Variants in CNTNAP3 observed in about 807,000 individuals in gnomAD.
CNTNAP3 encodes contactin-associated protein-like 3.
A neutral mutation model predicts 92.1 loss-of-function variants in CNTNAP3; 36 were observed. The ratio of observed to expected loss-of-function variants is 0.39; its 90% CI spans 0.30 to 0.52. The LOEUF (loss-of-function observed/expected upper bound fraction) is 0.52, where lower values mean the gene tolerates loss of function less well. Ranked by LOEUF, CNTNAP3 falls within the 20% of genes least tolerant of loss-of-function variation. The probability of loss-of-function intolerance (pLI) is 0.76; values close to 1 mark genes in which losing one functional copy is unlikely to be tolerated. For missense variants in CNTNAP3, 534 were observed against 1,069.6 expected (o/e 0.50, Z 6.98); for synonymous variants, 232 against 422.3 (o/e 0.55, Z 5.53).
chr9:39,140,319 A>G (rs1046643131), intron 12 of CNTNAP3, among the ~76,000 whole-genome samples, 200 bp downstream of exon 12: 1 of 152,128 alleles, frequency 6.6e-6, no homozygotes, highest in Non-Finnish European at 1.5e-5. Flanking sequence ...TTGGCAGAGC[A>G]CTGAATCTTT....
intron 3 of CNTNAP3, among the ~76,000 whole-genome samples, chr9:39,238,350 C>CAA (rs1174376017): frequency 1.6e-3 from 1 of 630 alleles, no homozygotes; most frequent in African/African-American, 1.7e-3. Flanking sequence ...ACTAAAAATA[C>CAA]AAAAAAAAAA....
chr9:39,144,194 T>C (rs1189233150), intron 11 of CNTNAP3, 46 bp downstream of exon 11: 5 of 1,510,190 alleles, frequency 3.3e-6, no homozygotes, highest in Non-Finnish European at 4.4e-6. Context: ...CAAAATGAAA[T>C]GACAAAGAGA....
rs555301365 is a variant in CNTNAP3 at position 39,095,564 on chromosome 9, C to T, written c.2995+4347G>A. ...TGGAGTTTGTTAAATGTTTTTTTTT[C>T]AGCAACAATTAAGATAATCATGTTT... On this transcript the variant is annotated intron_variant, in intron 18 of 23. Transcript: ENST00000297668. Among the ~76,000 whole-genome samples, 162 of 139,318 alleles carry T rather than the reference C, an allele frequency of 1.2e-3. 1 individual carries two copies. The highest frequency in any genetic ancestry group is 4.0e-3 in the African/African-American group (154 of 38,504). The allele number at this position is 139,318 out of a possible 152,430, so 91.4% of individuals were successfully genotyped here.
Position 39,066,958 on chromosome 9 carries a change from CTT to C in CNTNAP3, c.*6930_*6931del, listed in dbSNP as rs1825521187. On this transcript the variant is annotated 3_prime_UTR_variant, in exon 24 of 24. Coordinates refer to ENST00000297668, the MANE Select transcript of CNTNAP3 (RefSeq NM_033655.5). ...ATATTTTTTTCTATCCATCCACTCT[CTT>C]TTCTCCTTTGAGAACTCCAAATACA... 6.6e-6 allele frequency among the ~76,000 whole-genome samples: 1 copy of C among 152,268 alleles called. No individual in the cohort carries two copies. Among genetic ancestry groups the C allele is most frequent in the African/African-American group, 2.4e-5 (1 of 41,478 alleles).
At chr9:39,143,535 T>C (rs1821628158) in intron 11 of CNTNAP3, among the ~76,000 whole-genome samples, 1 of 152,162 alleles carries the variant, frequency 6.6e-6, no homozygotes. Flanking sequence ...TCCTCAACTC[T>C]GCAATGAAGA....
At chr9:39,120,462 C>A (rs932382745) in intron 13 of CNTNAP3, among the ~76,000 whole-genome samples, 37 of 152,094 alleles carry the variant, frequency 2.4e-4, no homozygotes, top group African/African-American at 8.9e-4. Flanking sequence ...ATCACGAGGT[C>A]AGATCGAAAC....
rs1225698693 is a variant in CNTNAP3 at position 39,066,377 on chromosome 9, A to T, written c.*7513T>A. Among the ~76,000 whole-genome samples the T allele has an allele frequency of 6.6e-6, 1 of 152,160 alleles. No individual in the cohort carries two copies. Among genetic ancestry groups the T allele is most frequent in the Non-Finnish European group, 1.5e-5 (1 of 68,022 alleles). ...CTAAACAGCCAATTATCTTTAAAAGATATTTAAGTAATAAGGGCAGGTATT... is the reference window on the plus strand; with the variant it reads ...CTAAACAGCCAATTATCTTTAAAAGTTATTTAAGTAATAAGGGCAGGTATT... On this transcript the variant is annotated 3_prime_UTR_variant, in exon 24 of 24. Transcript: ENST00000297668.
chr9:39,116,496 C>T (rs961921551), intron 14 of CNTNAP3, among the ~76,000 whole-genome samples: 2 of 152,076 alleles, frequency 1.3e-5, no homozygotes, highest in Non-Finnish European at 2.9e-5. Flanking sequence ...TTAAAATGTA[C>T]ATCATACAAA....
chr9:39,096,248 C>G lies in CNTNAP3; in HGVS notation c.2995+3663G>C, dbSNP rs2778233. Among the ~76,000 whole-genome samples, 4 of 137,780 alleles carry G rather than the reference C, an allele frequency of 2.9e-5. 1 individual carries two copies. The highest frequency in any genetic ancestry group is 5.0e-4 in the South Asian group (2 of 4,036). 90.4% of individuals were successfully genotyped at this position (137,780 alleles called of 152,430 possible). A position where few individuals can be genotyped will look rare whatever the true frequency, so the allele number is the denominator to read the frequency against. ...CTTTTATAATTACCTGCACACTTAC[C>G]TTTATTAGTGCTATTTGTTTTTTGT... On this transcript the variant is annotated intron_variant, in intron 18 of 23. Coordinates refer to ENST00000297668, the MANE Select transcript of CNTNAP3 (RefSeq NM_033655.5).
At chr9:39,147,305 T>C (rs1821727052) in intron 10 of CNTNAP3, among the ~76,000 whole-genome samples, 1 of 149,560 alleles carries the variant, frequency 6.7e-6, no homozygotes, top group South Asian at 2.1e-4. Context: ...AAGGCTGACA[T>C]GCTTACAGGC....
chr9:39,100,193 T>A, intron 17 of CNTNAP3, 43 bp from the exon 18 acceptor site: 1 of 1,450,156 alleles, frequency 6.9e-7, no homozygotes. Context: ...TCCTTGGTAT[T>A]TTATTCAGGA....
intron 13 of CNTNAP3, among the ~76,000 whole-genome samples, chr9:39,128,185 T>A (rs967870048): frequency 1.3e-5 from 2 of 151,880 alleles, no homozygotes; most frequent in African/African-American, 4.8e-5. Flanking sequence ...TAAAGTCAAT[T>A]TTACATAATC....
At chr9:39,148,169 A>G (rs1210272452) in intron 10 of CNTNAP3, among the ~76,000 whole-genome samples, 2 of 151,924 alleles carry the variant, frequency 1.3e-5, no homozygotes, top group African/African-American at 2.4e-5. Context: ...TGAGATATAA[A>G]TGCAGTCCCA....
intron 13 of CNTNAP3, among the ~76,000 whole-genome samples, chr9:39,125,658 C>T (rs1161825929): frequency 1.3e-5 from 2 of 151,692 alleles, no homozygotes; most frequent in East Asian, 3.9e-4. Context: ...GTAACACTAA[C>T]CAAAAAGAAA....
chr9:39,086,010 T>A, intron 20 of CNTNAP3, 187 bp from the exon 21 acceptor site: 2 of 670,910 alleles, frequency 3.0e-6, no homozygotes, highest in South Asian at 1.9e-5. Flanking sequence ...GCAATTCCTA[T>A]GATGCCATCA....
chr9:39,144,205 T>C, intron 11 of CNTNAP3, 35 bp downstream of exon 11: 2 of 1,546,712 alleles, frequency 1.3e-6, no homozygotes, highest in Non-Finnish European at 1.7e-6. Context: ...GACAAAGAGA[T>C]GCTGACAGAA....
intron 4 of CNTNAP3, among the ~76,000 whole-genome samples, chr9:39,184,098 G>C (rs1822486669): frequency 6.9e-6 from 1 of 144,780 alleles, no homozygotes; most frequent in Non-Finnish European, 1.5e-5. Context: ...TATATCAACA[G>C]TCTGTTCTTT....
rs1281312490 is a variant in CNTNAP3, at chr9:39,231,954, GTATA to G, written c.390+7035_390+7038del. On this transcript the variant is annotated intron_variant, in intron 3 of 23. Coordinates refer to ENST00000297668, the MANE Select transcript of CNTNAP3 (RefSeq NM_033655.5). ...GGATCATTTATGTGTGTGTATGTGTGTATATATATATATATATAAGTGGGAATGT... is the reference window on the plus strand; with the variant it reads ...GGATCATTTATGTGTGTGTATGTGTGTATATATATATATAAGTGGGAATGT... 3.4e-4 allele frequency among the ~76,000 whole-genome samples: 2 copies of G among 5,958 alleles called. 1 individual carries two copies. The highest frequency in any genetic ancestry group is 3.6e-4 in the African/African-American group (2 of 5,536). 3.9% of individuals were successfully genotyped at this position (5,958 alleles called of 152,430 possible). A position where few individuals can be genotyped will look rare whatever the true frequency, so the allele number is the denominator to read the frequency against.
chr9:39,099,017 C>G (rs1270568862), intron 18 of CNTNAP3, among the ~76,000 whole-genome samples: 1 of 151,438 alleles, frequency 6.6e-6, no homozygotes, highest in Non-Finnish European at 1.5e-5. Context: ...CTCTGCCGCC[C>G]AGGAGTGAGT....
Sources: gnomAD v4.1 joint callset for allele counts (sites outside exome capture counted in the v4.1 genomes callset) on GRCh38, gnomAD v4.1.1 for gene constraint, MANE v1.5 for transcripts, NCBI Gene and HGNC (gene_info 2026-07-23, HGNC 2026-07-21) for gene names.